The following ELAPOR1 variants were observed in gnomAD, a reference collection of about 807,000 sequenced individuals.
The protein encoded by ELAPOR1 is endosome/lysosome-associated apoptosis and autophagy regulator 1.
A neutral mutation model predicts 119.7 loss-of-function variants in ELAPOR1; 77 were observed. The observed-to-expected ratio is 0.64, with a 90% CI of 0.54 to 0.78. The LOEUF is 0.78. ELAPOR1 is among the 30% of genes least tolerant of loss of function. The pLI is 0.00. For synonymous variants in ELAPOR1, 481 were observed against 487.2 expected, an observed-to-expected ratio of 0.99 and a Z score of 0.17; for missense variants, 1,115 against 1,270.4, an observed-to-expected ratio of 0.88 and a Z score of 1.86.
chr1:109,122,072 CTTTT>C (rs535259096), intron 1 of ELAPOR1, among the ~76,000 whole-genome samples: 1 of 136,848 alleles, frequency 7.3e-6, no homozygotes, highest in Non-Finnish European at 1.6e-5. Flanking sequence ...ACAGCTGGCT[CTTTT>C]TTTTTTTTTT....
chr1:109,200,500 T>C (rs10745351), intron 20 of ELAPOR1, among the ~76,000 whole-genome samples: 130,652 of 152,142 alleles, frequency 0.86, 56,658 homozygotes, highest in East Asian at 0.97. Flanking sequence ...ATTATGATTT[T>C]GATATTTCCA....
At chr1:109,191,694 G>T (rs200628194) in intron 12 of ELAPOR1, 32 bp from the exon 13 acceptor site, 1 of 1,612,544 alleles carries the variant, frequency 6.2e-7, no homozygotes, top group African/African-American at 1.3e-5. Context: ...TCTGGCCATC[G>T]CACCCGCTTC....
chr1:109,166,314 A>C (rs1386296081), intron 3 of ELAPOR1, among the ~76,000 whole-genome samples: 1 of 152,132 alleles, frequency 6.6e-6, no homozygotes, highest in Non-Finnish European at 1.5e-5. Context: ...CAGCCTCCCA[A>C]AGTGCTGGGA....
intron 1 of ELAPOR1, among the ~76,000 whole-genome samples, chr1:109,151,253 C>A (rs569979562): frequency 1.3e-5 from 2 of 152,188 alleles, no homozygotes; most frequent in South Asian, 4.2e-4. Flanking sequence ...TTTGATCAGA[C>A]AAACATAGGC....
At chr1:109,116,938 G>A (rs921786331) in intron 1 of ELAPOR1, among the ~76,000 whole-genome samples, 36 of 152,178 alleles carry the variant, frequency 2.4e-4, no homozygotes, top group African/African-American at 7.5e-4. Context: ...TGATCCACCC[G>A]CCTTGGCCTC....
At chr1:109,191,668 G>A in intron 12 of ELAPOR1, 58 bp from the exon 13 acceptor site, 4 of 1,602,608 alleles carry the variant, frequency 2.5e-6, no homozygotes, top group Non-Finnish European at 3.4e-6. Context: ...GCAGCCACAT[G>A]GGCACCCACT....
At chr1:109,187,309 G>A in intron 8 of ELAPOR1, 1 of 985,466 alleles carries the variant, frequency 1.0e-6, no homozygotes, top group Non-Finnish European at 1.2e-6. Context: ...TGGGGCTCTG[G>A]CTGTCGCAGC....
intron 1 of ELAPOR1, among the ~76,000 whole-genome samples, chr1:109,118,016 A>G (rs1208453317): frequency 2.6e-4 from 40 of 152,096 alleles, no homozygotes; most frequent in Admixed American, 2.6e-3. Flanking sequence ...AATCCCAGCT[A>G]CTTGGGAGAC....
intron 1 of ELAPOR1, among the ~76,000 whole-genome samples, chr1:109,151,163 AAGG>A (rs1326094349): frequency 1.3e-5 from 2 of 152,104 alleles, no homozygotes; most frequent in African/African-American, 4.8e-5. Flanking sequence ...AAAGGGGAGG[AAGG>A]AGAAGAAGAG....
intron 2 of ELAPOR1, 145 bp from the exon 3 acceptor site, chr1:109,164,354 A>G (rs1651442685): frequency 3.2e-6 from 2 of 615,426 alleles, no homozygotes; most frequent in Non-Finnish European, 5.5e-6. Context: ...ATCAAATCAC[A>G]CAGTAAATGC....
At position 109,162,028 on chromosome 1, in the gene ELAPOR1, C is replaced by G. The variant is rs771972163; in HGVS notation, c.274+14C>G. On this transcript the variant is annotated intron_variant, in intron 2 of 21. Coordinates refer to ENST00000369939, the MANE Select transcript of ELAPOR1 (RefSeq NM_020775.5). ...GCACCGAGTGCTGTAAGCAGCTATCCTGCTCAGGGCCTCCCTGTCACTCAG... is the reference window on the plus strand; with the variant it reads ...GCACCGAGTGCTGTAAGCAGCTATCGTGCTCAGGGCCTCCCTGTCACTCAG... 1 of 1,599,414 alleles carries G rather than the reference C, an allele frequency of 6.3e-7. No homozygotes were observed. Among genetic ancestry groups the G allele is most frequent in the Non-Finnish European group, 8.6e-7 (1 of 1,168,326 alleles).
intron 14 of ELAPOR1, among the ~76,000 whole-genome samples, chr1:109,193,093 C>T (rs1161341192): frequency 2.0e-5 from 3 of 152,024 alleles, no homozygotes; most frequent in African/African-American, 7.2e-5. Context: ...TGACAAGTCT[C>T]CTCTTTAGTT....
chr1:109,116,122 T>C (rs1647978890), intron 1 of ELAPOR1, among the ~76,000 whole-genome samples: 1 of 152,218 alleles, frequency 6.6e-6, no homozygotes, highest in South Asian at 2.1e-4. Context: ...AAGGGAAGAA[T>C]ATTGATACTT....
At chr1:109,186,087 C>A (rs1210338325) in intron 8 of ELAPOR1, among the ~76,000 whole-genome samples, 6 of 150,432 alleles carry the variant, frequency 4.0e-5, no homozygotes, top group South Asian at 2.1e-4. Flanking sequence ...AAAAAAAAAA[C>A]CAGGATTAGG....
intron 1 of ELAPOR1, among the ~76,000 whole-genome samples, chr1:109,154,977 G>A (rs1272539299): frequency 6.6e-6 from 1 of 152,094 alleles, no homozygotes; most frequent in Non-Finnish European, 1.5e-5. Flanking sequence ...AGCTTGCAAT[G>A]GCAACTAAAC....
intron 1 of ELAPOR1, among the ~76,000 whole-genome samples, chr1:109,138,687 C>A (rs1649636514): frequency 6.6e-6 from 1 of 151,942 alleles, no homozygotes; most frequent in Non-Finnish European, 1.5e-5. Flanking sequence ...GGTGTCAGGT[C>A]CTGCCCAGGG....
intron 1 of ELAPOR1, among the ~76,000 whole-genome samples, chr1:109,123,675 A>G (rs113765911): frequency 0.07 from 10,642 of 152,282 alleles, 375 homozygotes; most frequent in Middle Eastern, 0.099. Flanking sequence ...ACAGAATGCA[A>G]AAAGGACCAA....
intron 1 of ELAPOR1, among the ~76,000 whole-genome samples, chr1:109,141,502 C>T (rs1649825842): frequency 6.6e-6 from 1 of 151,904 alleles, no homozygotes. Flanking sequence ...ACATCGTGAT[C>T]TGCCCGCCTC....
chr1:109,200,233 C>G lies in ELAPOR1; in HGVS notation c.2803C>G (p.Gln935Glu), dbSNP rs972367835. 1.2e-6 allele frequency: 2 copies of G among 1,613,806 alleles called. No individual in the cohort carries two copies. The highest frequency in any genetic ancestry group is 1.7e-5 in the Admixed American group (1 of 59,996). The change falls in exon 20 of 22, where the codon CAA (glutamine) becomes GAA (glutamate). Residue 935 changes from glutamine to glutamate, a missense_variant. Transcript: ENST00000369939. ...GACCTGCTACTTTTGGAAAAAGAAT[C>G]AAAAGTACATGTTGCGGTATTGGAG... ...VLTCYFWKKNQKLEYKYSKLV... is the reference protein window; with the variant it reads ...VLTCYFWKKNEKLEYKYSKLV...
Sources: allele counts gnomAD v4.1 joint callset (sites outside exome capture counted in the v4.1 genomes callset), GRCh38; gene constraint gnomAD v4.1.1; transcripts MANE v1.5; gene names NCBI Gene and HGNC (gene_info 2026-07-23, HGNC 2026-07-21).